IDH2: variants seen among roughly 807,000 people sequenced by gnomAD.
IDH2 encodes isocitrate dehydrogenase [NADP], mitochondrial.
Under a neutral mutation model 50.5 loss-of-function variants are expected in IDH2, and 18 were observed. The observed-to-expected ratio is 0.36, with a 90% CI of 0.25 to 0.53. The LOEUF (loss-of-function observed/expected upper bound fraction) is 0.53. Ranked by LOEUF, IDH2 falls within the 20% of genes least tolerant of loss-of-function variation. IDH2 has a pLI of 0.92. For missense variants in IDH2, 518 were observed against 610.7 expected (o/e 0.85, Z 1.60); for synonymous variants, 280 against 239.8 (o/e 1.17, Z -1.55).
chr15:90,084,338 C>G lies in IDH2; in HGVS notation c.1287G>C (p.Glu429Asp). 6.2e-7 allele frequency: 1 copy of G among 1,613,956 alleles called. No homozygotes were observed. The highest frequency in any genetic ancestry group is 8.5e-7 in the Non-Finnish European group (1 of 1,179,938). Residue 429 changes from glutamate (E) to aspartate (D), a missense_variant, in exon 11 of 11, where the codon GAG becomes GAC. This residue lies in a region of IDH2 where 135 missense variants were observed against 167.6 expected (regional missense o/e 0.81). Coordinates refer to ENST00000330062, the MANE Select transcript of IDH2 (RefSeq NM_002168.4). This position sits in a 1 kb window ranked among gnomAD's most constrained non-coding sequence, Gnocchi z 5.0. ...GGAAGTCCGTGGTGTTCAGGAAGTG[C>G]TCGTTCAGCTTCACACTGCAGAGAG... is the stretch of plus-strand genomic sequence containing the variant. Reference protein sequence around the residue: ...IHGLSNVKLNEHFLNTTDFLD... With the variant: ...IHGLSNVKLNDHFLNTTDFLD...
rs1201596840 is a variant in IDH2, at chr15:90,102,426, G to A, written c.-36C>T. ...AGAGCGAACGAGCAGGGCGGGAGAG[G>A]TCCGAGCGCGCGCCGCTCCTCCCGG... On this transcript the variant is annotated 5_prime_UTR_variant, in exon 1 of 11. Transcript: ENST00000330062. 2 of 1,153,486 alleles carry A rather than the reference G, an allele frequency of 1.7e-6. No individual in the cohort carries two copies. The highest frequency in any genetic ancestry group is 3.0e-5 in the South Asian group (1 of 33,570). The allele number at this position is 1,153,486 out of a possible 1,614,324, so 71.5% of individuals were successfully genotyped here.
In IDH2 at chr15:90,100,510, A is replaced by T; in HGVS notation, c.115+1766T>A. On this transcript the variant is annotated intron_variant, in intron 1 of 10. Transcript: ENST00000330062. The surrounding 1 kb of genome is among the most constrained non-coding windows in gnomAD (Gnocchi z 4.1). ...TCTGGGTTAGGAGTGAAGGAAGGCT[A>T]GATAAGTAATTCTGCCACTGAGCCG... 1 of 400,202 alleles carries T rather than the reference A, an allele frequency of 2.5e-6. No homozygotes were observed. Among genetic ancestry groups the T allele is most frequent in the Non-Finnish European group, 3.4e-6 (1 of 295,040 alleles). 24.8% of individuals were successfully genotyped at this position (400,202 alleles called of 1,614,324 possible).
Position 90,084,757 on chromosome 15 carries a change from G to T in IDH2, c.1271+59C>A. On this transcript the variant is annotated intron_variant, in intron 10 of 10. Transcript: ENST00000330062. The surrounding 1 kb of genome is among the most constrained non-coding windows in gnomAD (Gnocchi z 5.0). ...GACTCATGAGGGGGACTTTAGGAGG[G>T]GTCCCCTGGCTTCCTCCCACATGGC... 7.3e-7 allele frequency: 1 copy of T among 1,376,546 alleles called. No individual in the cohort carries two copies. Among genetic ancestry groups the T allele is most frequent in the Non-Finnish European group, 1.0e-6 (1 of 969,766 alleles). 85.3% of individuals were successfully genotyped at this position (1,376,546 alleles called of 1,614,324 possible).
chr15:90,098,126 C>G lies in IDH2; in HGVS notation c.115+4150G>C, dbSNP rs1272650473. 6.6e-6 allele frequency among the ~76,000 whole-genome samples: 1 copy of G among 152,192 alleles called. No individual in the cohort carries two copies. Among genetic ancestry groups the G allele is most frequent in the African/African-American group, 2.4e-5 (1 of 41,442 alleles). On this transcript the variant is annotated intron_variant, in intron 1 of 10. Coordinates refer to ENST00000330062, the MANE Select transcript of IDH2 (RefSeq NM_002168.4). This position sits in a 1 kb window ranked among gnomAD's most constrained non-coding sequence, Gnocchi z 5.1. ...AGCAGCAGCTAGGCCTCCCTGAAAA[C>G]CTCCGAAGTGACAGCCACCACGAAT...
In IDH2 at chr15:90,088,531, G is replaced by A. The variant is rs1188069884; in HGVS notation, c.535-29C>T. ...CAGAGACAAGAGGATGGCTAGGCGAGGAGCTCCAGTCGGGGGGTGCCCAGG... is the reference window on the plus strand; with the variant it reads ...CAGAGACAAGAGGATGGCTAGGCGAAGAGCTCCAGTCGGGGGGTGCCCAGG... On this transcript the variant is annotated intron_variant, in intron 4 of 10. Coordinates refer to ENST00000330062, the MANE Select transcript of IDH2 (RefSeq NM_002168.4). 6.2e-6 allele frequency: 10 copies of A among 1,614,132 alleles called. No individual in the cohort carries two copies. In the Admixed American group the frequency reaches 1.3e-4, roughly 22 times the overall value.
rs143123578 is a variant in IDH2, at chr15:90,100,550, C to T, written c.115+1726G>A. 1.2e-6 allele frequency: 1 copy of T among 853,008 alleles called. No individual in the cohort carries two copies. The highest frequency in any genetic ancestry group is 1.4e-6 in the Non-Finnish European group (1 of 709,052). The allele number at this position is 853,008 out of a possible 1,614,324, so 52.8% of individuals were successfully genotyped here. ...CCACTGAGCCGTTCACAGAACTGGT[C>T]CGCACTGCCCCAAGCTCTAACTTAC... On this transcript the variant is annotated intron_variant, in intron 1 of 10. Coordinates refer to ENST00000330062, the MANE Select transcript of IDH2 (RefSeq NM_002168.4). The surrounding 1 kb of genome is among the most constrained non-coding windows in gnomAD (Gnocchi z 4.1).
rs138800371 is a variant in IDH2, at chr15:90,087,166, C to T, written c.913G>A (p.Val305Met). 8.9e-5 allele frequency: 144 copies of T among 1,614,104 alleles called. No homozygotes were observed. The highest frequency in any genetic ancestry group is 1.2e-4 in the Non-Finnish European group (138 of 1,180,054). The change falls in exon 7 of 11, where the codon GTG (valine) becomes ATG (methionine). Residue 305 changes from valine to methionine, a missense_variant. By Grantham distance (21) the Val-to-Met change is conservative (BLOSUM62 1). Transcript: ENST00000330062. ...CCGTCATAGTTCTTGCAGGCCCACACAAAGCCACCCGAAGACTTGAGGACC... is the reference window on the plus strand; with the variant it reads ...CCGTCATAGTTCTTGCAGGCCCACATAAAGCCACCCGAAGACTTGAGGACC... ...AQVLKSSGGF[V>M]WACKNYDGDV...
rs779657904 is a variant in IDH2 at position 90,090,476 on chromosome 15, C to T, written c.373+3G>A. ...TGGCCCGCCCACCTCCACACCCTCG[C>T]ACCTTCCACACGGGCCTCATCAGGG... is the stretch of plus-strand genomic sequence containing the variant. On this transcript the variant is annotated splice_donor_region_variant and intron_variant, in intron 3 of 10. Coordinates refer to ENST00000330062, the MANE Select transcript of IDH2 (RefSeq NM_002168.4). 6.2e-6 allele frequency: 10 copies of T among 1,612,976 alleles called. No individual in the cohort carries two copies. Among genetic ancestry groups the T allele is most frequent in the Middle Eastern group, 3.8e-4 (2 of 5,206 alleles).
intron 1 of IDH2, among the ~76,000 whole-genome samples, chr15:90,096,804 C>T (rs1345258971): frequency 1.3e-5 from 2 of 151,598 alleles, no homozygotes; most frequent in African/African-American, 4.9e-5. Flanking sequence ...GTCCCAGCTA[C>T]TGGGGAGGCT....
intron 3 of IDH2, 129 bp from the exon 4 acceptor site, chr15:90,088,876 G>A: frequency 1.2e-6 from 1 of 814,700 alleles, no homozygotes; most frequent in East Asian, 2.7e-5. Context: ...AGAGTCTAGA[G>A]TGCAAATGTG....
In IDH2 at chr15:90,084,753, GA is replaced by G; in HGVS notation, c.1271+62del. The G allele has an allele frequency of 7.4e-7, 1 of 1,342,356 alleles. No individual in the cohort carries two copies. Among genetic ancestry groups the G allele is most frequent in the Non-Finnish European group, 1.1e-6 (1 of 939,246 alleles). 83.2% of individuals were successfully genotyped at this position (1,342,356 alleles called of 1,614,324 possible). ...AGCTGACTCATGAGGGGGACTTTAGGAGGGGTCCCCTGGCTTCCTCCCACAT... is the reference window on the plus strand; with the variant it reads ...AGCTGACTCATGAGGGGGACTTTAGGGGGGTCCCCTGGCTTCCTCCCACAT... On this transcript the variant is annotated intron_variant, in intron 10 of 10. Transcript: ENST00000330062. This position sits in a 1 kb window ranked among gnomAD's most constrained non-coding sequence, Gnocchi z 5.0.
At chr15:90,097,354 G>A (rs1220381739) in intron 1 of IDH2, among the ~76,000 whole-genome samples, 1 of 152,118 alleles carries the variant, frequency 6.6e-6, no homozygotes, top group East Asian at 1.9e-4. Flanking sequence ...TCATAGATCT[G>A]TATGTATAGG....
intron 1 of IDH2, among the ~76,000 whole-genome samples, chr15:90,092,958 A>G (rs959761446): frequency 1.3e-5 from 2 of 152,168 alleles, no homozygotes; most frequent in Non-Finnish European, 2.9e-5. Context: ...CCCCCACTTT[A>G]ATCTGGCTAG....
At chr15:90,093,621 T>TTA (rs1901105984) in intron 1 of IDH2, among the ~76,000 whole-genome samples, 3 of 151,020 alleles carry the variant, frequency 2.0e-5, no homozygotes, top group African/African-American at 7.4e-5. Context: ...TTTATTTATT[T>TTA]ATTTATTTAT....
Position 90,085,259 on chromosome 15 carries a change from C to G in IDH2, c.1080+16G>C. 1.9e-6 allele frequency: 3 copies of G among 1,542,882 alleles called. No homozygotes were observed. Among genetic ancestry groups the G allele is most frequent in the Non-Finnish European group, 2.6e-6 (3 of 1,135,730 alleles). On this transcript the variant is annotated intron_variant, in intron 8 of 10. Transcript: ENST00000330062. The surrounding 1 kb of genome is among the most constrained non-coding windows in gnomAD (Gnocchi z 5.5). ...GGGGTAGAGGGGCATTGTGAGGCCCCATGCCCTGCACTCACCTTCTGGTGC... is the reference window on the plus strand; with the variant it reads ...GGGGTAGAGGGGCATTGTGAGGCCCGATGCCCTGCACTCACCTTCTGGTGC...
intron 2 of IDH2, among the ~76,000 whole-genome samples, 168 bp from the exon 3 acceptor site, chr15:90,090,812 A>AG (rs1299488814): frequency 1.3e-5 from 2 of 152,186 alleles, no homozygotes; most frequent in Non-Finnish European, 2.9e-5. Context: ...GCCATTTCTC[A>AG]GTGGGGCCTG....
In IDH2 at chr15:90,091,709, A is replaced by G. The variant is rs10852126; in HGVS notation, c.116-65T>C. The G allele has an allele frequency of 0.73, 979,279 of 1,340,030 alleles. 364,555 individuals are homozygous for G. The highest frequency in any genetic ancestry group is 0.87 in the African/African-American group (60,878 of 69,602). The allele number at this position is 1,340,030 out of a possible 1,614,324, so 83.0% of individuals were successfully genotyped here. A position where few individuals can be genotyped will look rare whatever the true frequency, so the allele number is the denominator to read the frequency against. ...GGCTGGAGGGGGGCCCTCTCCTCCC[A>G]GCCAGGCCCGCCCTTCACCAGGAGA... On this transcript the variant is annotated intron_variant, in intron 1 of 10. Transcript: ENST00000330062.
chr15:90,088,350 C>T lies in IDH2; in HGVS notation c.678+9G>A. The T allele has an allele frequency of 4.3e-6, 7 of 1,612,990 alleles. No homozygotes were observed. The highest frequency in any genetic ancestry group is 1.7e-5 in the Admixed American group (1 of 60,032). On this transcript the variant is annotated intron_variant, in intron 5 of 10. Coordinates refer to ENST00000330062, the MANE Select transcript of IDH2 (RefSeq NM_002168.4). ...GAGGAGGGGCCCAGGATGCCCAAGC[C>T]AGCCTCACCTCGTCGGTGTTGTACA...
rs148745668 is a variant in IDH2 at position 90,084,280 on chromosome 15, G to A, written c.1345C>T (p.Leu449=). The A allele has an allele frequency of 1.1e-4, 180 of 1,613,862 alleles. No individual in the cohort carries two copies. The highest frequency in any genetic ancestry group is 1.5e-4 in the Non-Finnish European group (173 of 1,180,004). ...DTIKSNLDRA[L]GRQ Reference sequence around the variant, plus strand: ...GGCGCCTCCCCCTACTGCCTGCCCAGGGCTCTGTCCAGGTTGCTCTTGATG... The same window carrying A: ...GGCGCCTCCCCCTACTGCCTGCCCAAGGCTCTGTCCAGGTTGCTCTTGATG... The change falls in exon 11 of 11, where the codon CTG becomes TTG. Residue 449 remains leucine, a synonymous_variant. Transcript: ENST00000330062. This position sits in a 1 kb window ranked among gnomAD's most constrained non-coding sequence, Gnocchi z 5.0.
Sources: allele counts gnomAD v4.1 joint callset (sites outside exome capture counted in the v4.1 genomes callset), GRCh38; gene constraint gnomAD v4.1.1; regional missense constraint gnomAD v4.1.1; non-coding constraint Gnocchi (gnomAD v3.1); transcripts MANE v1.5; gene names NCBI Gene and HGNC (gene_info 2026-07-23, HGNC 2026-07-21).